CEP85L: variants seen among roughly 807,000 people sequenced by gnomAD.
CEP85L encodes centrosomal protein of 85 kDa-like.
CEP85L carries 60 observed loss-of-function variants against 100.3 expected under a neutral mutation model. The ratio of observed to expected loss-of-function variants is 0.60; its 90% confidence interval spans 0.49 to 0.74. The LOEUF is 0.74. Ranked by LOEUF, CEP85L falls within the 30% of genes least tolerant of loss-of-function variation. CEP85L has a pLI of 0.00. For synonymous variants in CEP85L, 319 were observed against 322.7 expected, an observed-to-expected ratio of 0.99 and a Z score of 0.12; for missense variants, 973 against 936.2, an observed-to-expected ratio of 1.04 and a Z score of -0.51.
At chr6:118,520,825 T>C (rs1160504270) in intron 4 of CEP85L, among the ~76,000 whole-genome samples, 1 of 152,168 alleles carries the variant, frequency 6.6e-6, no homozygotes, top group Admixed American at 6.5e-5. Flanking sequence ...ATGCAAAAGG[T>C]CAAGCACTAC....
chr6:118,524,392 C>T (rs190800082), intron 3 of CEP85L, among the ~76,000 whole-genome samples: 20 of 152,180 alleles, frequency 1.3e-4, no homozygotes, highest in African/African-American at 4.8e-4. Flanking sequence ...TGCAGTGAGC[C>T]GAGATCACGC....
At chr6:118,534,544 T>G (rs1777476366) in intron 3 of CEP85L, among the ~76,000 whole-genome samples, 1 of 152,044 alleles carries the variant, frequency 6.6e-6, no homozygotes, top group South Asian at 2.1e-4. Flanking sequence ...TCCCAGCTAC[T>G]CAGGAGGCTG....
chr6:118,497,909 T>G (rs766693299), intron 5 of CEP85L, among the ~76,000 whole-genome samples: 7 of 152,368 alleles, frequency 4.6e-5, no homozygotes, highest in Non-Finnish European at 8.8e-5. Flanking sequence ...ATCATTTATG[T>G]ATGTTTCTGT....
rs760453943 is a variant in CEP85L at position 118,481,778 on chromosome 6, C to A, written c.1745+1G>T. The A allele has an allele frequency of 1.2e-5, 18 of 1,556,634 alleles. No homozygotes were observed. Among genetic ancestry groups the A allele is most frequent in the Non-Finnish European group, 1.0e-5 (12 of 1,151,022 alleles). ...TAGAAGGATTCAGAAAATTTTCTTACCTCTGAACGGTAGTTACTAACTCCT... is the reference window on the plus strand; with the variant it reads ...TAGAAGGATTCAGAAAATTTTCTTAACTCTGAACGGTAGTTACTAACTCCT... On this transcript the variant is annotated splice_donor_variant, in intron 8 of 12. Transcript: ENST00000368491. LOFTEE classifies it high-confidence loss of function.
chr6:118,542,527 G>T (rs1046928244), intron 3 of CEP85L, among the ~76,000 whole-genome samples: 1 of 152,092 alleles, frequency 6.6e-6, no homozygotes, highest in Non-Finnish European at 1.5e-5. Context: ...GCTTCAAAGA[G>T]ACTTTAGAAA....
At chr6:118,639,027 A>G (rs931225198) in intron 1 of CEP85L, among the ~76,000 whole-genome samples, 2 of 152,212 alleles carry the variant, frequency 1.3e-5, no homozygotes, top group African/African-American at 2.4e-5. Flanking sequence ...ATACTTTTAA[A>G]TAAGCTGAAT....
At chr6:118,548,982 A>T (rs1257449709) in intron 3 of CEP85L, among the ~76,000 whole-genome samples, 3 of 152,034 alleles carry the variant, frequency 2.0e-5, no homozygotes, top group Non-Finnish European at 2.9e-5. Flanking sequence ...TCTAAAGTCC[A>T]GTCAACTTTT....
At chr6:118,472,928 AC>A (rs1344385488) in intron 10 of CEP85L, among the ~76,000 whole-genome samples, 1 of 152,172 alleles carries the variant, frequency 6.6e-6, no homozygotes, top group Non-Finnish European at 1.5e-5. Flanking sequence ...TGTTGTTTTA[AC>A]GTAAGTATCC....
chr6:118,651,891 C>T (rs1387231754), upstream of CEP85L: 18 of 985,490 alleles, frequency 1.8e-5, no homozygotes, highest in Non-Finnish European at 2.2e-5. Flanking sequence ...CACGCCCTCC[C>T]TCCGGGCACC....
chr6:118,483,947 T>G (rs2114549753), intron 6 of CEP85L, 89 bp from the exon 7 acceptor site: 1 of 1,178,516 alleles, frequency 8.5e-7, no homozygotes, highest in South Asian at 1.5e-5. Context: ...CACCATTGAA[T>G]TCACCAACAG....
At chr6:118,698,468 G>A (rs569651834) in intron 1 of CEP85L, among the ~76,000 whole-genome samples, 73 of 151,492 alleles carry the variant, frequency 4.8e-4, no homozygotes, top group Non-Finnish European at 9.3e-4. Flanking sequence ...ACTCTGAGTT[G>A]AAAATATAGT....
intron 7 of CEP85L, among the ~76,000 whole-genome samples, 155 bp downstream of exon 7, chr6:118,483,546 ATCTAC>A (rs1284779567): frequency 6.6e-6 from 1 of 152,200 alleles, no homozygotes; most frequent in Non-Finnish European, 1.5e-5. Flanking sequence ...GACAAGAAAG[ATCTAC>A]TTATGCATGC....
Position 118,651,568 on chromosome 6 carries a change from C to T in CEP85L, c.-299G>A, listed in dbSNP as rs1437658263. 6.0e-6 allele frequency: 7 copies of T among 1,175,334 alleles called. No individual in the cohort carries two copies. Among genetic ancestry groups the T allele is most frequent in the Non-Finnish European group, 7.4e-6 (7 of 951,036 alleles). 72.8% of individuals were successfully genotyped at this position (1,175,334 alleles called of 1,614,324 possible). A position where few individuals can be genotyped will look rare whatever the true frequency, so the allele number is the denominator to read the frequency against. ...TGAGCCCAGGCTCAAAGGCTCCAGG[C>T]GAAGTTGCAGCTGCGGGTTCTCTCC... is the stretch of plus-strand genomic sequence containing the variant. On this transcript the variant is annotated 5_prime_UTR_variant, in exon 1 of 13. Transcript: ENST00000368491.
intron 2 of CEP85L, among the ~76,000 whole-genome samples, chr6:118,599,587 T>A (rs992476924): frequency 1.3e-5 from 2 of 152,266 alleles, no homozygotes; most frequent in Middle Eastern, 3.4e-3. Flanking sequence ...CTCAGTGACT[T>A]GCTTCCAAAA....
chr6:118,534,838 G>T (rs573682122), intron 3 of CEP85L, among the ~76,000 whole-genome samples: 1 of 151,788 alleles, frequency 6.6e-6, no homozygotes, highest in Non-Finnish European at 1.5e-5. Flanking sequence ...TAGCCAACAC[G>T]GTGAAACCCC....
At chr6:118,566,709 G>A (rs143564305) in intron 2 of CEP85L, among the ~76,000 whole-genome samples, 137 of 152,296 alleles carry the variant, frequency 9.0e-4, no homozygotes, top group African/African-American at 3.1e-3. Flanking sequence ...ATGAGCCACT[G>A]TGCCCAGCCC....
chr6:118,695,695 A>C (rs1244091591), intron 1 of CEP85L, among the ~76,000 whole-genome samples: 1 of 152,252 alleles, frequency 6.6e-6, no homozygotes, highest in Non-Finnish European at 1.5e-5. Context: ...TTTCTAGTTA[A>C]TAAACATATG....
Position 118,651,535 on chromosome 6 carries a change from T to G in CEP85L, c.-266A>C. ...CGACTCGGCGGTGACGGCTGCTAGA[T>G]CCCCGGCTGAGCCCAGGCTCAAAGG... On this transcript the variant is annotated 5_prime_UTR_variant, in exon 1 of 13. Coordinates refer to ENST00000368491, the MANE Select transcript of CEP85L (RefSeq NM_001042475.3). 8.0e-7 allele frequency: 1 copy of G among 1,254,924 alleles called. No homozygotes were observed. Among genetic ancestry groups the G allele is most frequent in the Non-Finnish European group, 1.0e-6 (1 of 999,102 alleles). 77.7% of individuals were successfully genotyped at this position (1,254,924 alleles called of 1,614,324 possible). A position where few individuals can be genotyped will look rare whatever the true frequency, so the allele number is the denominator to read the frequency against.
intron 2 of CEP85L, among the ~76,000 whole-genome samples, chr6:118,625,873 G>T (rs772535694): frequency 6.6e-6 from 1 of 151,902 alleles, no homozygotes; most frequent in Non-Finnish European, 1.5e-5. Context: ...TAGGATAAAG[G>T]CCATCAAGCT....
Sources: gnomAD v4.1 joint callset for allele counts (sites outside exome capture counted in the v4.1 genomes callset) on GRCh38, gnomAD v4.1.1 for gene constraint, MANE v1.5 for transcripts, NCBI Gene and HGNC (gene_info 2026-07-23, HGNC 2026-07-21) for gene names.